Variants in IL23R observed in about 807,000 individuals in gnomAD.
The protein encoded by IL23R is interleukin-23 receptor.
A neutral mutation model predicts 56.9 loss-of-function variants in IL23R; 34 were observed. The observed-to-expected ratio is 0.60, with a 90% CI of 0.45 to 0.80. The LOEUF (loss-of-function observed/expected upper bound fraction) is 0.80. Ranked by LOEUF, IL23R falls within the 30% of genes least tolerant of loss-of-function variation. The pLI, the probability that IL23R is intolerant of heterozygous loss-of-function variation, is 0.00. For missense variants in IL23R, 635 were observed against 730.0 expected (o/e 0.87, Z 1.50); for synonymous variants, 230 against 249.2 (o/e 0.92, Z 0.73).
chr1:67,142,784 T>G (rs1023778518), intron 1 of IL23R, among the ~76,000 whole-genome samples: 5 of 152,164 alleles, frequency 3.3e-5, no homozygotes, highest in Non-Finnish European at 7.3e-5. Context: ...GCCAGGCTGG[T>G]CTCGAACTCC....
chr1:67,184,222 G>A (rs4655525), intron 4 of IL23R, among the ~76,000 whole-genome samples: 43,233 of 151,508 alleles, frequency 0.29, 6,655 homozygotes, highest in Admixed American at 0.43. Context: ...GCGAAAGAGC[G>A]AGACTCCATC....
At chr1:67,182,130 G>T (rs966720806) in intron 3 of IL23R, among the ~76,000 whole-genome samples, 4 of 152,182 alleles carry the variant, frequency 2.6e-5, no homozygotes, top group Non-Finnish European at 4.4e-5. Flanking sequence ...CAAGCTGTGT[G>T]CTGGGAGAAC....
chr1:67,264,398 C>T (rs1304649272), downstream of IL23R, among the ~76,000 whole-genome samples: 1 of 152,144 alleles, frequency 6.6e-6, no homozygotes, highest in Non-Finnish European at 1.5e-5. Context: ...CTTTATGAAG[C>T]AATTATACCA....
At chr1:67,236,672 G>A (rs1197071830) in intron 7 of IL23R, 41 bp from the exon 8 acceptor site, 2 of 1,362,322 alleles carry the variant, frequency 1.5e-6, no homozygotes, top group Non-Finnish European at 2.1e-6. Flanking sequence ...CAAGCAGAGT[G>A]CAAAATGTAA....
downstream of IL23R, among the ~76,000 whole-genome samples, chr1:67,263,868 A>G (rs911710527): frequency 2.0e-5 from 3 of 152,100 alleles, no homozygotes; most frequent in African/African-American, 4.8e-5. Flanking sequence ...CATCGCAAAA[A>G]AAAAAAAAAG....
At chr1:67,199,852 G>T (rs769173378) in intron 4 of IL23R, among the ~76,000 whole-genome samples, 6 of 151,836 alleles carry the variant, frequency 4.0e-5, no homozygotes, top group Non-Finnish European at 7.4e-5. Flanking sequence ...TTCAGTAAAA[G>T]GTTGCATATT....
chr1:67,203,692 C>A (rs115831711), intron 5 of IL23R, among the ~76,000 whole-genome samples: 329 of 152,236 alleles, frequency 2.2e-3, no homozygotes, highest in African/African-American at 7.6e-3. Context: ...AATGAGACAA[C>A]GCAAATTAGA....
At chr1:67,183,101 T>G in intron 4 of IL23R, 142 bp downstream of exon 4, 1 of 982,242 alleles carries the variant, frequency 1.0e-6, no homozygotes, top group Non-Finnish European at 1.6e-6. Context: ...TTATGATCAG[T>G]GAAACTACCA....
chr1:67,139,479 A>G (rs1298557654), intron 1 of IL23R, among the ~76,000 whole-genome samples: 1 of 152,224 alleles, frequency 6.6e-6, no homozygotes, highest in African/African-American at 2.4e-5. Flanking sequence ...ATAAGTTCTA[A>G]GAAAACTCAT....
At chr1:67,213,492 A>G (rs1384021472) in intron 6 of IL23R, among the ~76,000 whole-genome samples, 2 of 152,216 alleles carry the variant, frequency 1.3e-5, no homozygotes, top group African/African-American at 4.8e-5. Flanking sequence ...CTGACGAGGC[A>G]AGGAGAATAT....
intron 3 of IL23R, among the ~76,000 whole-genome samples, chr1:67,179,756 A>G (rs571382890): frequency 6.6e-6 from 1 of 151,978 alleles, no homozygotes; most frequent in Non-Finnish European, 1.5e-5. Context: ...GTGGGCATTT[A>G]GTGCTATAAA....
intron 8 of IL23R, among the ~76,000 whole-genome samples, chr1:67,237,952 C>A (rs1217944037): frequency 6.6e-6 from 1 of 152,162 alleles, no homozygotes; most frequent in Non-Finnish European, 1.5e-5. Flanking sequence ...AAACAATGAG[C>A]AAAGCCCCTG....
Position 67,255,851 on chromosome 1 carries a change from T to A in IL23R, c.1163T>A (p.Ile388Asn). 1.9e-6 allele frequency: 3 copies of A among 1,553,162 alleles called. No homozygotes were observed. In the South Asian group the frequency reaches 3.3e-5, roughly 17 times the overall value. ...RSFRTGIKRR[I>N]LLLIPKWLYE... ...TTGTTTTTTAGGATTAAAAGAAGGA[T>A]CTTATTGTTAATACCAAAGTGGCTT... The change falls in exon 10 of 11, where the codon ATC (isoleucine) becomes AAC (asparagine). Residue 388 changes from isoleucine (I) to asparagine (N), a missense_variant. Coordinates refer to ENST00000347310, the MANE Select transcript of IL23R (RefSeq NM_144701.3).
intron 4 of IL23R, among the ~76,000 whole-genome samples, chr1:67,188,336 T>C (rs1208007003): frequency 2.0e-5 from 3 of 152,158 alleles, no homozygotes; most frequent in Non-Finnish European, 4.4e-5. Context: ...TACACTGAGT[T>C]GGCCACAACA....
intron 4 of IL23R, among the ~76,000 whole-genome samples, chr1:67,194,161 C>T (rs1364680021): frequency 6.6e-6 from 1 of 152,216 alleles, no homozygotes; most frequent in Non-Finnish European, 1.5e-5. Flanking sequence ...TCTGGAAGCT[C>T]CCTGAACCCA....
chr1:67,237,582 A>G (rs1320776813), intron 8 of IL23R, among the ~76,000 whole-genome samples: 3 of 152,168 alleles, frequency 2.0e-5, no homozygotes, highest in Non-Finnish European at 2.9e-5. Flanking sequence ...TTTTCTTTCA[A>G]TGTCCTGGAG....
intron 7 of IL23R, among the ~76,000 whole-genome samples, chr1:67,227,993 T>C (rs970811464): frequency 9.9e-6 from 1 of 101,380 alleles, no homozygotes; most frequent in African/African-American, 4.1e-5. Context: ...TTTCTTTCTT[T>C]CTTTCTTTCT....
chr1:67,226,986 G>A (rs1329767388), intron 7 of IL23R, among the ~76,000 whole-genome samples: 1 of 152,154 alleles, frequency 6.6e-6, no homozygotes, highest in African/African-American at 2.4e-5. Flanking sequence ...ACCCTCTTCT[G>A]CCTAGAACTC....
chr1:67,198,887 G>A (rs1648386848), intron 4 of IL23R, among the ~76,000 whole-genome samples: 1 of 152,206 alleles, frequency 6.6e-6, no homozygotes, highest in Admixed American at 6.5e-5. Flanking sequence ...CAAGGTTGCA[G>A]TGAGCCAAGA....
Sources: gnomAD v4.1 joint callset for allele counts (sites outside exome capture counted in the v4.1 genomes callset) on GRCh38, gnomAD v4.1.1 for gene constraint, MANE v1.5 for transcripts, NCBI Gene and HGNC (gene_info 2026-07-23, HGNC 2026-07-21) for gene names.